EYS: variants seen among roughly 807,000 people sequenced by gnomAD.
EYS encodes the protein EGF-like photoreceptor maintenance factor, also known as protein eyes shut homolog.
Under a neutral mutation model 282.1 loss-of-function variants are expected in EYS, and 250 were observed. The ratio of observed to expected loss-of-function variants is 0.89; its 90% CI spans 0.80 to 0.98. The LOEUF (loss-of-function observed/expected upper bound fraction) is 0.98, where lower values mean the gene tolerates loss of function less well. Among genes scored for constraint, EYS ranks in the 50% least tolerant of loss-of-function variants. EYS has a pLI of 0.00. For synonymous variants in EYS, 1,355 were observed against 1,282.9 expected, an observed-to-expected ratio of 1.06 and a Z score of -1.20; for missense variants, 4,016 against 3,709.0, an observed-to-expected ratio of 1.08 and a Z score of -2.15.
intron 2 of EYS, among the ~76,000 whole-genome samples, chr6:65,591,758 T>C (rs1164435838): frequency 6.6e-6 from 1 of 152,074 alleles, no homozygotes; most frequent in African/African-American, 2.4e-5. Flanking sequence ...TGCCTTTGCG[T>C]TGGAAAACCT....
At chr6:64,570,392 C>A (rs1187070036) in intron 26 of EYS, among the ~76,000 whole-genome samples, 1 of 152,108 alleles carries the variant, frequency 6.6e-6, no homozygotes, top group East Asian at 1.9e-4. Flanking sequence ...AACTAACAGG[C>A]AAAATAACCA....
chr6:64,131,886 T>C (rs916966473), intron 31 of EYS, among the ~76,000 whole-genome samples: 1 of 152,176 alleles, frequency 6.6e-6, no homozygotes, highest in African/African-American at 2.4e-5. Context: ...ATTAATTCTG[T>C]TTTTCCAGAA....
intron 5 of EYS, among the ~76,000 whole-genome samples, chr6:65,428,802 C>CTGTCAAA (rs1468990372): frequency 4.3e-4 from 65 of 152,190 alleles, no homozygotes; most frequent in Middle Eastern, 6.8e-3. Context: ...CTATCAAAAA[C>CTGTCAAA]TGTCAAATGC....
chr6:65,047,747 A>G (rs1345680416), intron 13 of EYS, among the ~76,000 whole-genome samples: 1 of 151,918 alleles, frequency 6.6e-6, no homozygotes, highest in Non-Finnish European at 1.5e-5. Context: ...GGGGAATTTA[A>G]TAAGGGACTA....
intron 12 of EYS, among the ~76,000 whole-genome samples, chr6:65,103,983 AG>A: frequency 6.6e-6 from 1 of 151,430 alleles, no homozygotes; most frequent in East Asian, 1.9e-4. Context: ...AGAAATTTTA[AG>A]TATCAGTTTC....
At chr6:64,844,173 T>C (rs1284973226) in intron 19 of EYS, among the ~76,000 whole-genome samples, 9 of 152,114 alleles carry the variant, frequency 5.9e-5, no homozygotes, top group Non-Finnish European at 1.0e-4. Context: ...AGCATGAAAA[T>C]GGACTAATAC....
At chr6:64,157,472 G>A (rs1237677492) in intron 31 of EYS, among the ~76,000 whole-genome samples, 2 of 152,134 alleles carry the variant, frequency 1.3e-5, no homozygotes, top group African/African-American at 2.4e-5. Context: ...AAGACAATGG[G>A]GAAAATGTCT....
intron 12 of EYS, among the ~76,000 whole-genome samples, chr6:65,112,201 G>A (rs1454413665): frequency 1.3e-4 from 19 of 151,874 alleles, no homozygotes; most frequent in Admixed American, 1.2e-3. Flanking sequence ...GAACATTCCC[G>A]AGTATGCAAA....
intron 19 of EYS, among the ~76,000 whole-genome samples, chr6:64,844,358 G>GT (rs200024782): frequency 0.027 from 3,796 of 140,636 alleles, 71 homozygotes; most frequent in South Asian, 0.067. Context: ...ATGCTGTTGG[G>GT]TTTTTTTTTT....
chr6:64,185,422 G>A (rs1377671525), intron 31 of EYS, among the ~76,000 whole-genome samples: 2 of 152,032 alleles, frequency 1.3e-5, no homozygotes, highest in East Asian at 3.9e-4. Context: ...TCCTCTAAGT[G>A]ACAAGTCATA....
intron 21 of EYS, among the ~76,000 whole-genome samples, chr6:64,819,854 A>G (rs1237447491): frequency 6.6e-6 from 1 of 152,044 alleles, no homozygotes; most frequent in African/African-American, 2.4e-5. Context: ...AAGACATACA[A>G]ATCAAAAAGT....
At chr6:64,320,925 T>A (rs932687907) in intron 29 of EYS, among the ~76,000 whole-genome samples, 2 of 151,824 alleles carry the variant, frequency 1.3e-5, no homozygotes, top group Non-Finnish European at 3.0e-5. Flanking sequence ...ATAAATATGC[T>A]ATTTTTAAAC....
At chr6:65,034,669 C>T (rs796487970) in intron 13 of EYS, among the ~76,000 whole-genome samples, 7 of 152,204 alleles carry the variant, frequency 4.6e-5, no homozygotes, top group African/African-American at 1.7e-4. Context: ...AGAAGCTGAG[C>T]AGGTGCCAGC....
chr6:64,718,441 A>G (rs574236338), intron 22 of EYS, among the ~76,000 whole-genome samples: 1 of 152,144 alleles, frequency 6.6e-6, no homozygotes, highest in Admixed American at 6.5e-5. Flanking sequence ...GGTAAAATAC[A>G]TATTTCATGT....
chr6:64,072,216 AT>A (rs1771608087), intron 32 of EYS, among the ~76,000 whole-genome samples: 1 of 152,012 alleles, frequency 6.6e-6, no homozygotes, highest in Non-Finnish European at 1.5e-5. Context: ...AAAATCACTC[AT>A]TTGAGATCCT....
rs527589676 is a variant in EYS at position 64,732,595 on chromosome 6, G to A, written c.3443+80783C>T. On this transcript the variant is annotated intron_variant, in intron 22 of 42. Transcript: ENST00000503581. ...AGGGAATCGTAAGTATAAATTTACT[G>A]TATACCTAGTGGCGTATAGTAAAAT... 2.0e-5 allele frequency among the ~76,000 whole-genome samples: 3 copies of A among 152,224 alleles called. No homozygotes were observed. In the South Asian group the frequency reaches 6.2e-4, roughly 32 times the overall value.
chr6:65,182,406 C>A (rs892419207), intron 12 of EYS, among the ~76,000 whole-genome samples: 4 of 151,002 alleles, frequency 2.6e-5, no homozygotes, highest in African/African-American at 9.7e-5. Context: ...TAATTCTGTG[C>A]CCATTTTTAG....
intron 1 of EYS, among the ~76,000 whole-genome samples, chr6:65,673,287 G>T (rs202190996): frequency 2.0e-5 from 3 of 152,062 alleles, no homozygotes; most frequent in African/African-American, 7.2e-5. Flanking sequence ...TTGGGGCAGC[G>T]TGGGAACGTA....
At chr6:64,345,682 A>C (rs1771357384) in intron 29 of EYS, among the ~76,000 whole-genome samples, 1 of 152,144 alleles carries the variant, frequency 6.6e-6, no homozygotes, top group African/African-American at 2.4e-5. Context: ...AATGGCAACA[A>C]AAGCCAAAAG....
Sources: allele counts gnomAD v4.1 joint callset (sites outside exome capture counted in the v4.1 genomes callset), GRCh38; gene constraint gnomAD v4.1.1; transcripts MANE v1.5; gene names NCBI Gene and HGNC (gene_info 2026-07-23, HGNC 2026-07-21).